Variants in SLC8A1 observed in about 807,000 individuals in gnomAD.
The protein encoded by SLC8A1 is solute carrier family 8 member A1.
In SLC8A1, 18 loss-of-function variants were observed where a neutral mutation model predicts 68.3. The observed-to-expected ratio is 0.26, with a 90% CI of 0.18 to 0.39. SLC8A1 has a LOEUF of 0.39. SLC8A1 is among the 10% of genes least tolerant of loss of function. The probability of loss-of-function intolerance (pLI) is 1.00; values close to 1 mark genes in which losing one functional copy is unlikely to be tolerated. For missense variants in SLC8A1, 985 were observed against 1,156.7 expected, an observed-to-expected ratio of 0.85 and a Z score of 2.15; for synonymous variants, 475 against 415.5, an observed-to-expected ratio of 1.14 and a Z score of -1.74.
Position 40,502,242 on chromosome 2 carries a change from C to T in SLC8A1, c.-25+10107G>A, listed in dbSNP as rs548825473. ...ATGGTTTATTTTCCCAATTTAGCTT[C>T]CCTTTCCTCATGTCATTCATCTAAC... On this transcript the variant is annotated intron_variant, in intron 1 of 7. Coordinates refer to the SLC8A1 transcript ENST00000402441. 2.6e-5 allele frequency among the ~76,000 whole-genome samples: 4 copies of T among 152,088 alleles called. No homozygotes were observed. The South Asian group carries it at 8.3e-4, about 31-fold the overall frequency.
At chr2:40,258,084 T>C (rs1419784288) in intron 2 of SLC8A1, among the ~76,000 whole-genome samples, 2 of 152,100 alleles carry the variant, frequency 1.3e-5, no homozygotes, top group East Asian at 3.9e-4. Context: ...CTGTCAAACA[T>C]TTTGTGTTAT....
chr2:40,265,128 G>C (rs1416044745), intron 2 of SLC8A1, among the ~76,000 whole-genome samples: 1 of 152,188 alleles, frequency 6.6e-6, no homozygotes, highest in East Asian at 1.9e-4. Context: ...TCAGAAGGCG[G>C]ATTGTCCAGG....
intron 2 of SLC8A1, among the ~76,000 whole-genome samples, chr2:40,305,870 A>T (rs1016324145): frequency 1.3e-5 from 2 of 152,214 alleles, no homozygotes; most frequent in Non-Finnish European, 2.9e-5. Flanking sequence ...GACCGTTTGT[A>T]CTGCTTTTTT....
At position 40,184,892 on chromosome 2, in the gene SLC8A1, CAAAAACAAAAAA is replaced by C. The variant is rs1398489160; in HGVS notation, c.1809-7049_1809-7038del. Among the ~76,000 whole-genome samples, 81 of 52,154 alleles carry C rather than the reference CAAAAACAAAAAA, an allele frequency of 1.6e-3. 1 individual carries two copies. The highest frequency in any genetic ancestry group is 3.1e-3 in the African/African-American group (50 of 15,890). 34.2% of individuals were successfully genotyped at this position (52,154 alleles called of 152,430 possible). A position where few individuals can be genotyped will look rare whatever the true frequency, so the allele number is the denominator to read the frequency against. On this transcript the variant is annotated intron_variant, in intron 2 of 7. Transcript: ENST00000406785. ...TTACAGCTTACAAAGACAAACTAAC[CAAAAACAAAAAA>C]AAAAAAAAAAAAAAAGGAAAAGAAA...
intron 2 of SLC8A1, among the ~76,000 whole-genome samples, chr2:40,260,624 T>C (rs1053112295): frequency 6.6e-6 from 1 of 152,074 alleles, no homozygotes; most frequent in African/African-American, 2.4e-5. Context: ...GAATTCAAGC[T>C]TCCAGTAAAG....
At chr2:40,175,369 G>T in intron 3 of SLC8A1, 88 bp from the exon 4 acceptor site, 1 of 1,358,844 alleles carries the variant, frequency 7.4e-7, no homozygotes, top group Non-Finnish European at 1.0e-6. Flanking sequence ...AAGAAATCCA[G>T]GCAGATCTGA....
At chr2:40,112,925 C>T (rs2034739663) in exon 8 of SLC8A1, 1 of 152,326 alleles carries the variant, frequency 6.6e-6, no homozygotes, top group Non-Finnish European at 1.5e-5. Context: ...GGTATAAATA[C>T]AATTTGGACA....
At chr2:40,145,540 T>TG (rs2042301173) in intron 6 of SLC8A1, among the ~76,000 whole-genome samples, 1 of 152,200 alleles carries the variant, frequency 6.6e-6, no homozygotes, top group Non-Finnish European at 1.5e-5. Flanking sequence ...GAATTATGAC[T>TG]TTTTTGCAAC....
At chr2:40,160,687 A>G (rs181807289) in intron 6 of SLC8A1, 78 bp downstream of exon 9, 15 of 1,287,142 alleles carry the variant, frequency 1.2e-5, no homozygotes, top group Non-Finnish European at 1.7e-5. Context: ...GCTTTGCCAT[A>G]GACCAAGTAG....
chr2:40,409,238 G>T (rs1182490624), intron 2 of SLC8A1, among the ~76,000 whole-genome samples: 4 of 152,196 alleles, frequency 2.6e-5, no homozygotes, highest in Admixed American at 1.3e-4. Flanking sequence ...ACCCCTGTAA[G>T]TTCCCAATCA....
intron 1 of SLC8A1, among the ~76,000 whole-genome samples, chr2:40,480,370 AGT>A (rs757885316): frequency 1.3e-5 from 2 of 152,132 alleles, no homozygotes; most frequent in Non-Finnish European, 2.9e-5. Context: ...TAAAGGGATT[AGT>A]GTCCTTATGA....
At chr2:40,234,632 A>C (rs985654545) in intron 2 of SLC8A1, among the ~76,000 whole-genome samples, 50 of 152,154 alleles carry the variant, frequency 3.3e-4, no homozygotes, top group East Asian at 2.3e-3. Context: ...ACTTCCAACA[A>C]TATGTTGAAT....
intron 1 of SLC8A1, among the ~76,000 whole-genome samples, chr2:40,431,484 C>CA (rs1698281652): frequency 1.3e-5 from 2 of 152,078 alleles, no homozygotes; most frequent in Non-Finnish European, 2.9e-5. Context: ...ACTCAACCAC[C>CA]ATGGCCTTAA....
chr2:40,223,843 G>A (rs929365756), intron 2 of SLC8A1: 2 of 151,990 alleles, frequency 1.3e-5, no homozygotes, highest in Admixed American at 6.6e-5. Flanking sequence ...TCCCGAATCT[G>A]TTGGATTGTC....
intron 2 of SLC8A1, among the ~76,000 whole-genome samples, chr2:40,235,907 G>T (rs911287110): frequency 1.3e-5 from 2 of 151,868 alleles, no homozygotes; most frequent in East Asian, 1.9e-4. Context: ...TAGTTGAGGG[G>T]TTTTGAGTGA....
chr2:40,115,352 C>T, exon 8 of SLC8A1: 1 of 1,614,166 alleles, frequency 6.2e-7, no homozygotes, highest in East Asian at 2.2e-5. Context: ...GCTTGGCAGT[C>T]CGGGGCCCAC....
In SLC8A1 at chr2:40,439,170, A is replaced by C. The variant is rs116272036; in HGVS notation, c.-24-8866T>G. On this transcript the variant is annotated intron_variant, in intron 1 of 7. Transcript: ENST00000406785. Reference sequence around the variant, plus strand: ...GGGGCCCCAAAAGGGAGATTAAAGCACTGGAGGTAATATAAAGTTCCTACT... The same window carrying C: ...GGGGCCCCAAAAGGGAGATTAAAGCCCTGGAGGTAATATAAAGTTCCTACT... Among the ~76,000 whole-genome samples, 573 of 152,146 alleles carry C rather than the reference A, an allele frequency of 3.8e-3. 2 individuals carry two copies. The highest frequency in any genetic ancestry group is 0.013 in the African/African-American group (544 of 41,514).
intron 6 of SLC8A1, among the ~76,000 whole-genome samples, chr2:40,152,969 TC>T (rs1467436545): frequency 2.0e-5 from 3 of 151,996 alleles, no homozygotes; most frequent in Non-Finnish European, 4.4e-5. Context: ...GGAGACCCCA[TC>T]TTTTTTAAAA....
chr2:40,388,330 G>C (rs1230554570), intron 2 of SLC8A1, among the ~76,000 whole-genome samples: 1 of 152,114 alleles, frequency 6.6e-6, no homozygotes, highest in African/African-American at 2.4e-5. Context: ...TATAGTTGTT[G>C]TTGCATAATG....
Sources: gnomAD v4.1 joint callset for allele counts (sites outside exome capture counted in the v4.1 genomes callset) on GRCh38, gnomAD v4.1.1 for gene constraint, MANE v1.5 for transcripts, NCBI Gene and HGNC (gene_info 2026-07-23, HGNC 2026-07-21) for gene names.